WFDC9: variants seen among roughly 807,000 people sequenced by gnomAD.
The protein encoded by WFDC9 is WAP four-disulfide core domain 9.
WFDC9 carries 9 observed loss-of-function variants against 9.5 expected under a neutral mutation model. The observed-to-expected ratio is 0.95, with a 90% CI of 0.57 to 1.65. WFDC9 has a LOEUF of 1.65. Ranked by LOEUF, WFDC9 falls within the 40% of genes most tolerant of loss-of-function variation. WFDC9 has a pLI of 0.00. For synonymous variants in WFDC9, 33 were observed against 32.3 expected (o/e 1.02, Z -0.07); for missense variants, 87 against 106.7 (o/e 0.82, Z 0.81).
chr20:45,627,784 G>T (rs552929204), intron 1 of WFDC9, among the ~76,000 whole-genome samples: 14 of 152,210 alleles, frequency 9.2e-5, no homozygotes, highest in Admixed American at 3.3e-4. Flanking sequence ...TTGAGTAATT[G>T]TCTTTTTTTA....
chr20:45,618,431 G>A (rs1166030668), intron 1 of WFDC9, among the ~76,000 whole-genome samples: 1 of 152,188 alleles, frequency 6.6e-6, no homozygotes, highest in African/African-American at 2.4e-5. Flanking sequence ...GGTACAAGAG[G>A]CCTAGCTTTC....
intron 1 of WFDC9, among the ~76,000 whole-genome samples, chr20:45,619,255 A>G (rs1982040464): frequency 6.6e-6 from 1 of 152,180 alleles, no homozygotes; most frequent in South Asian, 2.1e-4. Context: ...AGAGCTGAGG[A>G]GCACAGTCAC....
intron 1 of WFDC9, among the ~76,000 whole-genome samples, chr20:45,629,079 A>G (rs546433429): frequency 6.6e-6 from 1 of 152,248 alleles, no homozygotes; most frequent in East Asian, 1.9e-4. Flanking sequence ...CCCATGCCCT[A>G]CAATAGTCTC....
At chr20:45,631,105 T>C (rs192722129) in intron 1 of WFDC9, 98 bp downstream of exon 1, 1 of 1,432,588 alleles carries the variant, frequency 7.0e-7, no homozygotes, top group Non-Finnish European at 9.3e-7. Flanking sequence ...GGACCTCAAG[T>C]CACCAGCATA....
At chr20:45,625,679 A>T (rs774244399) in intron 1 of WFDC9, among the ~76,000 whole-genome samples, 1 of 152,054 alleles carries the variant, frequency 6.6e-6, no homozygotes, top group East Asian at 1.9e-4. Flanking sequence ...ATTATTCTGC[A>T]TATGGATATC....
At chr20:45,629,724 T>A in intron 1 of WFDC9, 1 of 1,486,108 alleles carries the variant, frequency 6.7e-7, no homozygotes, top group Non-Finnish European at 9.1e-7. Context: ...AGATCATTCC[T>A]TCTTTCCTTC....
chr20:45,627,066 C>T (rs978194744), intron 1 of WFDC9, among the ~76,000 whole-genome samples: 3 of 152,136 alleles, frequency 2.0e-5, no homozygotes, highest in South Asian at 2.1e-4. Context: ...TCTGTATCTA[C>T]TGAGATTACC....
intron 1 of WFDC9, chr20:45,629,670 C>T: frequency 9.4e-7 from 1 of 1,065,398 alleles, no homozygotes; most frequent in Non-Finnish European, 1.4e-6. Context: ...GAAGGACTCT[C>T]TTGCTCTGCT....
intron 1 of WFDC9, 168 bp downstream of exon 1, chr20:45,631,035 G>C: frequency 6.4e-7 from 1 of 1,573,152 alleles, no homozygotes. Flanking sequence ...GAGTGGGCTG[G>C]GATGTGCATC....
rs1981768113 is a variant in WFDC9, at chr20:45,608,083, C to A, written c.*27G>T. On this transcript the variant is annotated 3_prime_UTR_variant, in exon 5 of 5. Coordinates refer to ENST00000326000, the MANE Select transcript of WFDC9 (RefSeq NM_147198.4). ...CTTAGACCAGATGGTCATCCTTCAG[C>A]CCACAGTAGTGATCGGCCAATAGAA... 1 of 1,613,018 alleles carries A rather than the reference C, an allele frequency of 6.2e-7. No individual in the cohort carries two copies. The highest frequency in any genetic ancestry group is 1.3e-5 in the African/African-American group (1 of 74,868).
intron 2 of WFDC9, among the ~76,000 whole-genome samples, chr20:45,611,680 G>C (rs1273537532): frequency 2.0e-5 from 3 of 152,054 alleles, no homozygotes; most frequent in African/African-American, 7.2e-5. Context: ...TATAGTTAAA[G>C]CTTTGGTACA....
chr20:45,611,359 C>T (rs1981856719), intron 2 of WFDC9, among the ~76,000 whole-genome samples: 1 of 152,056 alleles, frequency 6.6e-6, no homozygotes, highest in African/African-American at 2.4e-5. Flanking sequence ...GGGAGGAATC[C>T]ATAGTTCTGA....
chr20:45,625,035 G>A (rs1982186438), intron 1 of WFDC9, among the ~76,000 whole-genome samples: 1 of 152,154 alleles, frequency 6.6e-6, no homozygotes, highest in Non-Finnish European at 1.5e-5. Context: ...AGATTGCTAT[G>A]AAGATACTAC....
intron 1 of WFDC9, chr20:45,629,876 A>T (rs756253159): frequency 1.2e-6 from 2 of 1,613,706 alleles, no homozygotes. Flanking sequence ...AGGCCCAGGG[A>T]GGATACCGTG....
chr20:45,630,879 T>C (rs772537020), intron 1 of WFDC9: 1 of 1,601,742 alleles, frequency 6.2e-7, no homozygotes, highest in Non-Finnish European at 8.5e-7. Context: ...GAAACACAGC[T>C]ATCCCCAGAA....
At chr20:45,627,927 G>GA (rs1276364664) in intron 1 of WFDC9, among the ~76,000 whole-genome samples, 1 of 151,976 alleles carries the variant, frequency 6.6e-6, no homozygotes, top group African/African-American at 2.4e-5. Context: ...TTGTGCTTGA[G>GA]AAAAATGTGT....
intron 1 of WFDC9, among the ~76,000 whole-genome samples, chr20:45,618,038 A>C (rs1016876181): frequency 6.6e-6 from 1 of 152,234 alleles, no homozygotes; most frequent in Admixed American, 6.5e-5. Context: ...TTAAAGGGCC[A>C]ACAGTATCTT....
Position 45,608,209 on chromosome 20 carries a change from C to G in WFDC9, c.240-69G>C, listed in dbSNP as rs1033981796. The G allele has an allele frequency of 7.3e-6, 11 of 1,508,974 alleles. No individual in the cohort carries two copies. The African/African-American group carries it at 1.5e-4, about 21-fold the overall frequency. The allele number at this position is 1,508,974 out of a possible 1,614,324, so 93.5% of individuals were successfully genotyped here. A position where few individuals can be genotyped will look rare whatever the true frequency, so the allele number is the denominator to read the frequency against. ...ATCCATTTCTAAAATTAATAGCATC[C>G]TAGGCCCCAGATGAAAAAGGACAGC... is the stretch of plus-strand genomic sequence containing the variant. On this transcript the variant is annotated intron_variant, in intron 4 of 4. Coordinates refer to ENST00000326000, the MANE Select transcript of WFDC9 (RefSeq NM_147198.4).
intron 1 of WFDC9, among the ~76,000 whole-genome samples, chr20:45,628,224 A>G (rs1231446234): frequency 1.3e-5 from 2 of 152,236 alleles, no homozygotes; most frequent in South Asian, 2.1e-4. Context: ...CAAAATGAGT[A>G]TTCTAAAACA....
Sources: gnomAD v4.1 joint callset for allele counts (sites outside exome capture counted in the v4.1 genomes callset) on GRCh38, gnomAD v4.1.1 for gene constraint, MANE v1.5 for transcripts, NCBI Gene and HGNC (gene_info 2026-07-23, HGNC 2026-07-21) for gene names.